Variants in CSGALNACT1 observed in about 807,000 individuals in gnomAD.
The protein encoded by CSGALNACT1 is chondroitin sulfate N-acetylgalactosaminyltransferase 1.
In CSGALNACT1, 52 loss-of-function variants were observed where a neutral mutation model predicts 51.0. The ratio of observed to expected loss-of-function variants is 1.02; its 90% CI spans 0.82 to 1.29. The LOEUF (loss-of-function observed/expected upper bound fraction) is 1.29, where lower values mean the gene tolerates loss of function less well. Ranked by LOEUF, CSGALNACT1 falls within the 50% of genes most tolerant of loss-of-function variation. The pLI, the probability that CSGALNACT1 is intolerant of heterozygous loss-of-function variation, is 0.00. For missense variants in CSGALNACT1, 935 were observed against 679.2 expected (o/e 1.38, Z -4.19); for synonymous variants, 341 against 254.4 (o/e 1.34, Z -3.24).
At chr8:19,529,245 T>C (rs1213327402) in intron 3 of CSGALNACT1, among the ~76,000 whole-genome samples, 1 of 152,056 alleles carries the variant, frequency 6.6e-6, no homozygotes, top group African/African-American at 2.4e-5. Flanking sequence ...ATGGAGACAA[T>C]GAATATGCAG....
rs150954799 is a variant in CSGALNACT1, at chr8:19,732,729, A to G, written c.-297+25121T>C. ...AAAAGTTACATATATGGATCTTTAT[A>G]AATTACGTCATTTCAAAATCCATTC... is the stretch of plus-strand genomic sequence containing the variant. On this transcript the variant is annotated intron_variant, in intron 1 of 1. Coordinates refer to the CSGALNACT1 transcript ENST00000517494. Among the ~76,000 whole-genome samples the G allele has an allele frequency of 5.2e-3, 785 of 152,366 alleles. 6 individuals carry two copies. The highest frequency in any genetic ancestry group is 0.018 in the African/African-American group (746 of 41,588).
At chr8:19,424,987 A>G (rs1468090992) in intron 6 of CSGALNACT1, among the ~76,000 whole-genome samples, 3 of 152,154 alleles carry the variant, frequency 2.0e-5, no homozygotes, top group African/African-American at 7.2e-5. Context: ...GAAAAATAGA[A>G]TCTCAGGACC....
At chr8:19,751,667 C>T (rs1260010027) in intron 1 of CSGALNACT1, among the ~76,000 whole-genome samples, 1 of 152,098 alleles carries the variant, frequency 6.6e-6, no homozygotes, top group African/African-American at 2.4e-5. Context: ...AAGGAGGGGC[C>T]TTGTGGGAGG....
chr8:19,727,759 T>A (rs1287756916), intron 1 of CSGALNACT1, among the ~76,000 whole-genome samples: 2 of 152,102 alleles, frequency 1.3e-5, no homozygotes, highest in Admixed American at 6.6e-5. Context: ...ACATTTCCCA[T>A]CCTTCCTGAC....
At chr8:19,415,705 T>A (rs112905340) in intron 8 of CSGALNACT1, among the ~76,000 whole-genome samples, 2 of 152,370 alleles carry the variant, frequency 1.3e-5, no homozygotes, top group South Asian at 4.1e-4. Context: ...GAAATGGAAA[T>A]GTTAATCACA....
intron 1 of CSGALNACT1, among the ~76,000 whole-genome samples, chr8:19,677,219 C>T (rs994683908): frequency 2.0e-5 from 3 of 152,138 alleles, no homozygotes; most frequent in African/African-American, 7.2e-5. Context: ...AGTGATCCTT[C>T]CACCTCAGTC....
intron 1 of CSGALNACT1, among the ~76,000 whole-genome samples, chr8:19,631,554 A>G (rs554574259): frequency 1.3e-5 from 2 of 152,246 alleles, no homozygotes; most frequent in African/African-American, 4.8e-5. Context: ...TCCAGTGAGA[A>G]CAAAATTCTT....
chr8:19,442,083 G>A (rs1255952430), intron 5 of CSGALNACT1, among the ~76,000 whole-genome samples: 2 of 152,194 alleles, frequency 1.3e-5, no homozygotes, highest in African/African-American at 4.8e-5. Context: ...TGCTGGAGAG[G>A]ATGTGGAGAA....
At chr8:19,581,561 C>G (rs1157244718) in intron 3 of CSGALNACT1, among the ~76,000 whole-genome samples, 1 of 152,080 alleles carries the variant, frequency 6.6e-6, no homozygotes, top group Non-Finnish European at 1.5e-5. Context: ...GAGCCGAGAT[C>G]GTGCCACTGC....
chr8:19,698,676 G>A (rs2061703738), intron 1 of CSGALNACT1, among the ~76,000 whole-genome samples: 2 of 152,138 alleles, frequency 1.3e-5, no homozygotes, highest in African/African-American at 2.4e-5. Context: ...AATAACAAGT[G>A]TTAGCAAAGA....
chr8:19,605,620 T>G (rs758947778), upstream of CSGALNACT1, among the ~76,000 whole-genome samples: 1 of 151,732 alleles, frequency 6.6e-6, no homozygotes, highest in Non-Finnish European at 1.5e-5. Context: ...AAGAACCGAG[T>G]AAGAGGAGGC....
chr8:19,678,760 C>A (rs2154205815), intron 1 of CSGALNACT1: 1 of 152,224 alleles, frequency 6.6e-6, no homozygotes, highest in South Asian at 2.1e-4. Context: ...GCACATGAAA[C>A]AGATTCGTCT....
intron 1 of CSGALNACT1, among the ~76,000 whole-genome samples, chr8:19,657,900 G>A (rs1043909104): frequency 6.6e-6 from 1 of 152,080 alleles, no homozygotes. Flanking sequence ...CCAGGCCATT[G>A]TTAGATGGCC....
intron 1 of CSGALNACT1, among the ~76,000 whole-genome samples, chr8:19,631,733 T>G (rs1178607874): frequency 1.3e-5 from 2 of 152,252 alleles, no homozygotes; most frequent in African/African-American, 4.8e-5. Context: ...AATTGTATTC[T>G]GTTGACTAGG....
intron 3 of CSGALNACT1, among the ~76,000 whole-genome samples, chr8:19,566,202 T>C (rs932216040): frequency 4.6e-5 from 7 of 152,164 alleles, no homozygotes; most frequent in Non-Finnish European, 8.8e-5. Context: ...TGTCATCACA[T>C]GTATTCTTGT....
At chr8:19,666,749 CAAGAAAGAAAGAAGAAAGA>C (rs2059206157) in intron 1 of CSGALNACT1, among the ~76,000 whole-genome samples, 1 of 107,792 alleles carries the variant, frequency 9.3e-6, no homozygotes, top group African/African-American at 3.6e-5. Flanking sequence ...ACACAAGAAA[CAAGAAAGAAAGAAGAAAGA>C]AAGAAAGAAA....
chr8:19,736,737 G>C (rs1298822503), intron 1 of CSGALNACT1, among the ~76,000 whole-genome samples: 1 of 152,086 alleles, frequency 6.6e-6, no homozygotes, highest in African/African-American at 2.4e-5. Flanking sequence ...GGAGAAAAAA[G>C]ATAGAAATAT....
At chr8:19,731,491 G>A (rs2063691667) in intron 1 of CSGALNACT1, among the ~76,000 whole-genome samples, 1 of 152,194 alleles carries the variant, frequency 6.6e-6, no homozygotes. Context: ...CTGGACGAGA[G>A]CGAGACTCCA....
At chr8:19,638,840 T>A (rs2056415555) in intron 1 of CSGALNACT1, among the ~76,000 whole-genome samples, 2 of 152,122 alleles carry the variant, frequency 1.3e-5, no homozygotes, top group Admixed American at 1.3e-4. Context: ...TGATCATTAT[T>A]CTTAAAGGCC....
Sources: allele counts gnomAD v4.1 joint callset (sites outside exome capture counted in the v4.1 genomes callset), GRCh38; gene constraint gnomAD v4.1.1; transcripts MANE v1.5; gene names NCBI Gene and HGNC (gene_info 2026-07-23, HGNC 2026-07-21).